The following CENATAC variants were observed in gnomAD, a reference collection of about 807,000 sequenced individuals.
The protein encoded by CENATAC is centrosomal AT-AC splicing factor.
Under a neutral mutation model 53.7 loss-of-function variants are expected in CENATAC, and 53 were observed. The ratio of observed to expected loss-of-function variants is 0.99; its 90% confidence interval spans 0.79 to 1.24. The LOEUF is 1.24. CENATAC is among the 50% of genes most tolerant of loss of function. The pLI is 0.00. For missense variants in CENATAC, 474 were observed against 417.8 expected (o/e 1.13, Z -1.17); for synonymous variants, 156 against 144.6 (o/e 1.08, Z -0.57).
At chr11:119,008,320 T>TA (rs1942702647) in intron 3 of CENATAC, among the ~76,000 whole-genome samples, 1 of 152,220 alleles carries the variant, frequency 6.6e-6, no homozygotes, top group African/African-American at 2.4e-5. Flanking sequence ...AAAAGGAATG[T>TA]AGTAGGACAG....
chr11:119,009,125 C>T (rs1447505531), intron 3 of CENATAC, among the ~76,000 whole-genome samples: 1 of 152,116 alleles, frequency 6.6e-6, no homozygotes, highest in Non-Finnish European at 1.5e-5. Flanking sequence ...TCTTTCTTTT[C>T]CCTACAACTT....
chr11:119,010,887 G>A (rs1006661681), intron 4 of CENATAC, 57 bp downstream of exon 4: 3 of 1,520,468 alleles, frequency 2.0e-6, no homozygotes, highest in African/African-American at 2.7e-5. Context: ...TTTCGTGGAA[G>A]ACGGTTTTTC....
rs782649186 is a variant in CENATAC at position 119,014,976 on chromosome 11, C to G, written c.716-18C>G. 7 of 1,363,820 alleles carry G rather than the reference C, an allele frequency of 5.1e-6. No individual in the cohort carries two copies. The highest frequency in any genetic ancestry group is 6.9e-6 in the Non-Finnish European group (7 of 1,010,484). The allele number at this position is 1,363,820 out of a possible 1,614,324, so 84.5% of individuals were successfully genotyped here. Reference sequence around the variant, plus strand: ...GAAGACTTAAAAAAAAAAAAAAAAGCCTTAATTTTTTTTTCAGGTGCCACA... The same window carrying G: ...GAAGACTTAAAAAAAAAAAAAAAAGGCTTAATTTTTTTTTCAGGTGCCACA... On this transcript the variant is annotated intron_variant, in intron 8 of 10. Transcript: ENST00000334418.
intron 3 of CENATAC, among the ~76,000 whole-genome samples, chr11:119,005,282 C>A (rs1444244089): frequency 6.6e-6 from 1 of 151,748 alleles, no homozygotes; most frequent in African/African-American, 2.4e-5. Context: ...CTGGCTAACA[C>A]GGTGAAACCC....
rs887994768 is a variant in CENATAC at position 119,009,166 on chromosome 11, G to A, written c.384-1598G>A. 3.9e-5 allele frequency among the ~76,000 whole-genome samples: 6 copies of A among 151,934 alleles called. No individual in the cohort carries two copies. In the East Asian group the frequency reaches 1.2e-3, roughly 29 times the overall value. On this transcript the variant is annotated intron_variant, in intron 3 of 10. Coordinates refer to ENST00000334418, the MANE Select transcript of CENATAC (RefSeq NM_198489.3). ...TATTTTTGAGACAGAGTCTTGCTCT[G>A]TCACTGGCCTGGAGTGCAGTGGCCC...
intron 3 of CENATAC, chr11:119,003,621 CTTTT>C (rs138779092): frequency 4.6e-4 from 60 of 129,036 alleles, no homozygotes; most frequent in South Asian, 1.9e-3. Flanking sequence ...ATTTCTCTCT[CTTTT>C]TTTTTTTTTT....
At chr11:119,003,001 C>T in intron 3 of CENATAC, 1 of 505,260 alleles carries the variant, frequency 2.0e-6, no homozygotes, top group South Asian at 1.4e-5. Context: ...AATTAGCCAA[C>T]TGGACTCAGT....
intron 3 of CENATAC, chr11:119,003,278 T>G: frequency 1.9e-6 from 1 of 526,456 alleles, no homozygotes; most frequent in East Asian, 5.0e-5. Flanking sequence ...CTTAAGATAT[T>G]TGCACTGCCT....
At chr11:119,012,447 C>T in intron 7 of CENATAC, 193 bp downstream of exon 7, 1 of 565,144 alleles carries the variant, frequency 1.8e-6, no homozygotes, top group Non-Finnish European at 3.1e-6. Flanking sequence ...TGTATTGACA[C>T]TTAGGAGTGC....
intron 3 of CENATAC, chr11:119,003,340 CT>C (rs1319036603): frequency 5.6e-5 from 30 of 532,338 alleles, no homozygotes; most frequent in Middle Eastern, 4.3e-4. Flanking sequence ...CGCGGATCTT[CT>C]TTTTTTTGTG....
chr11:119,012,101 C>T, intron 6 of CENATAC, 48 bp from the exon 7 acceptor site: 2 of 1,613,938 alleles, frequency 1.2e-6, no homozygotes. Context: ...TCTTTACCAC[C>T]CTCATGGCTC....
At chr11:118,998,901 G>T (rs1216352267) in intron 2 of CENATAC, 110 bp from the exon 3 acceptor site, 1 of 809,954 alleles carries the variant, frequency 1.2e-6, no homozygotes, top group East Asian at 2.6e-5. Context: ...TCTCTCAGCC[G>T]TGCCCCAGGC....
At chr11:119,014,960 A>AG in intron 8 of CENATAC, 34 bp from the exon 9 acceptor site, 4 of 827,374 alleles carry the variant, frequency 4.8e-6, no homozygotes, top group Middle Eastern at 3.2e-4. Context: ...TGAAGACTTA[A>AG]AAAAAAAAAA....
intron 3 of CENATAC, chr11:119,003,442 G>A: frequency 2.1e-6 from 1 of 473,740 alleles, no homozygotes; most frequent in South Asian, 1.6e-5. Context: ...AGCTTTTGGT[G>A]CCATCTTGTG....
At chr11:119,014,907 G>A (rs1253886739) in intron 8 of CENATAC, 87 bp from the exon 9 acceptor site, 3 of 858,848 alleles carry the variant, frequency 3.5e-6, no homozygotes, top group Non-Finnish European at 5.4e-6. Context: ...AGCTCTTAAT[G>A]AGGAGAGGTA....
intron 5 of CENATAC, 51 bp downstream of exon 5, chr11:119,011,334 G>A (rs782124167): frequency 5.2e-6 from 8 of 1,543,414 alleles, no homozygotes; most frequent in Middle Eastern, 1.7e-4. Context: ...ACTGATCCCT[G>A]GCATTCCCAG....
intron 8 of CENATAC, among the ~76,000 whole-genome samples, chr11:119,013,685 G>A (rs1405942065): frequency 2.6e-5 from 4 of 151,472 alleles, no homozygotes; most frequent in African/African-American, 4.9e-5. Flanking sequence ...GGATGGTCTC[G>A]ATCTCCTGAC....
At chr11:119,007,298 C>G (rs1181667825) in intron 3 of CENATAC, among the ~76,000 whole-genome samples, 1 of 152,102 alleles carries the variant, frequency 6.6e-6, no homozygotes, top group Non-Finnish European at 1.5e-5. Flanking sequence ...ATTCTCCTGC[C>G]TCAGCCTGCT....
chr11:118,998,460 G>A lies in CENATAC; in HGVS notation c.151G>A (p.Ala51Thr), dbSNP rs781975206. Residue 51 changes from alanine (A) to threonine (T), a missense_variant, in exon 2 of 11, where the codon GCT (alanine) becomes ACT (threonine). Physicochemically the swap from Ala to Thr is moderately conservative, Grantham distance 58. Coordinates refer to ENST00000334418, the MANE Select transcript of CENATAC (RefSeq NM_198489.3). ...GGCGGCCCGCAAGGCCATCCGCGCC[G>A]CTCAGGTGGAGCGCTATGTGCCCGA... ...VEAARKAIRA[A>T]QVERYVPEHE... The A allele has an allele frequency of 3.7e-6, 6 of 1,612,746 alleles. No homozygotes were observed. Among genetic ancestry groups the A allele is most frequent in the South Asian group, 2.2e-5 (2 of 90,994 alleles).
Sources: allele counts gnomAD v4.1 joint callset (sites outside exome capture counted in the v4.1 genomes callset), GRCh38; gene constraint gnomAD v4.1.1; transcripts MANE v1.5; gene names NCBI Gene and HGNC (gene_info 2026-07-23, HGNC 2026-07-21).